DPF3: variants seen among roughly 807,000 people sequenced by gnomAD.
DPF3 encodes double PHD fingers 3.
A neutral mutation model predicts 56.8 loss-of-function variants in DPF3; 18 were observed. The ratio of observed to expected loss-of-function variants is 0.32; its 90% CI spans 0.22 to 0.47. The LOEUF (loss-of-function observed/expected upper bound fraction) is 0.47. DPF3 is among the 20% of genes least tolerant of loss of function. The pLI, the probability that DPF3 is intolerant of heterozygous loss-of-function variation, is 1.00. For synonymous variants in DPF3, 188 were observed against 180.2 expected, an observed-to-expected ratio of 1.04 and a Z score of -0.35; for missense variants, 403 against 488.8, an observed-to-expected ratio of 0.82 and a Z score of 1.65.
chr14:72,670,721 T>C lies in DPF3; in HGVS notation c.871+3519A>G, dbSNP rs968800876. ...ATAAATAATAATGTTTTAATGTTAT[T>C]GGTTCTTTGTTTCCAACCCAAAGTT... On this transcript the variant is annotated intron_variant, in intron 8 of 10. Coordinates refer to ENST00000556509, the MANE Select transcript of DPF3 (RefSeq NM_001280542.3). The C allele has an allele frequency of 1.2e-5, 12 of 1,016,786 alleles. No homozygotes were observed. In the East Asian group the frequency reaches 1.1e-3, roughly 96 times the overall value. 63.0% of individuals were successfully genotyped at this position (1,016,786 alleles called of 1,614,324 possible).
At chr14:72,826,215 TC>T (rs1194987477) in intron 1 of DPF3, among the ~76,000 whole-genome samples, 1 of 152,148 alleles carries the variant, frequency 6.6e-6, no homozygotes, top group Non-Finnish European at 1.5e-5. Flanking sequence ...GGATAAATTT[TC>T]CTTATCTCTC....
At chr14:72,704,050 C>T (rs1237493069) in intron 6 of DPF3, among the ~76,000 whole-genome samples, 1 of 152,194 alleles carries the variant, frequency 6.6e-6, no homozygotes, top group African/African-American at 2.4e-5. Flanking sequence ...ATTGTCCTCA[C>T]CTAACAGACC....
chr14:72,649,881 C>G (rs985631500), intron 8 of DPF3, among the ~76,000 whole-genome samples: 1 of 152,180 alleles, frequency 6.6e-6, no homozygotes, highest in African/African-American at 2.4e-5. Flanking sequence ...GATGAAAACA[C>G]GTATCTTATT....
chr14:72,816,365 C>G (rs1004154828), intron 1 of DPF3, among the ~76,000 whole-genome samples: 1 of 152,212 alleles, frequency 6.6e-6, no homozygotes, highest in Non-Finnish European at 1.5e-5. Flanking sequence ...GTTATGTTAT[C>G]TGGCCTTCTC....
intron 8 of DPF3, among the ~76,000 whole-genome samples, chr14:72,642,700 C>T (rs929591961): frequency 6.6e-6 from 1 of 152,106 alleles, no homozygotes; most frequent in Admixed American, 6.5e-5. Context: ...GCCCTCCATG[C>T]CCCTGTCTCA....
intron 8 of DPF3, among the ~76,000 whole-genome samples, chr14:72,663,620 T>C (rs778760670): frequency 6.6e-6 from 1 of 152,212 alleles, no homozygotes; most frequent in Non-Finnish European, 1.5e-5. Flanking sequence ...AACGGAGTAG[T>C]TGACACAAAG....
intron 4 of DPF3, among the ~76,000 whole-genome samples, chr14:72,724,707 G>GT (rs1327513019): frequency 3.4e-4 from 38 of 110,592 alleles, no homozygotes; most frequent in Non-Finnish European, 2.4e-4. Flanking sequence ...AGGGGTTTTT[G>GT]TTTGTTTTTT....
chr14:72,726,195 C>T (rs764306923), intron 4 of DPF3, among the ~76,000 whole-genome samples: 4 of 152,178 alleles, frequency 2.6e-5, no homozygotes, highest in Admixed American at 6.5e-5. Flanking sequence ...TGTTGCTGTT[C>T]GTAGAACCAT....
chr14:72,875,685 A>AAGTGTGCAAG (rs1886085209), intron 1 of DPF3, among the ~76,000 whole-genome samples: 1 of 152,180 alleles, frequency 6.6e-6, no homozygotes, highest in Non-Finnish European at 1.5e-5. Flanking sequence ...AAGTGTGCAA[A>AAGTGTGCAAG]GCTTACAAAG....
At chr14:72,624,375 G>C (rs1159590247) in intron 9 of DPF3, among the ~76,000 whole-genome samples, 2 of 107,574 alleles carry the variant, frequency 1.9e-5, no homozygotes, top group African/African-American at 7.2e-5. Context: ...GTCTCACTCT[G>C]TTGCCCAAAC....
At chr14:72,793,603 C>A (rs920432330) in intron 1 of DPF3, among the ~76,000 whole-genome samples, 40 of 152,284 alleles carry the variant, frequency 2.6e-4, no homozygotes, top group African/African-American at 9.4e-4. Context: ...AGGAAATTAA[C>A]AAGCCGGCAT....
chr14:72,874,485 A>T (rs1460644637), intron 1 of DPF3, among the ~76,000 whole-genome samples: 1 of 152,126 alleles, frequency 6.6e-6, no homozygotes, highest in Non-Finnish European at 1.5e-5. Context: ...TCTCCAAAAA[A>T]AAAAAAGAAA....
intron 3 of DPF3, among the ~76,000 whole-genome samples, chr14:72,747,398 G>A (rs1890368814): frequency 6.6e-6 from 1 of 152,132 alleles, no homozygotes; most frequent in African/African-American, 2.4e-5. Context: ...CAGCTGTTGA[G>A]GGTGACTGCC....
At chr14:72,865,665 G>T (rs185868473) in intron 1 of DPF3, among the ~76,000 whole-genome samples, 7 of 152,326 alleles carry the variant, frequency 4.6e-5, no homozygotes, top group Admixed American at 2.6e-4. Flanking sequence ...GAAACCACAG[G>T]GGGGTAAGGA....
chr14:72,871,441 G>C (rs887956154), intron 1 of DPF3, among the ~76,000 whole-genome samples: 4 of 152,142 alleles, frequency 2.6e-5, no homozygotes, highest in Admixed American at 2.6e-4. Flanking sequence ...TACTTCCTAG[G>C]TATGCAATTC....
chr14:72,771,626 C>A, intron 2 of DPF3, 107 bp downstream of exon 2: 1 of 1,411,022 alleles, frequency 7.1e-7, no homozygotes, highest in Non-Finnish European at 9.4e-7. Flanking sequence ...CAGCTTGCCC[C>A]ACCCCGATCC....
In DPF3 at chr14:72,650,492, G is replaced by A. The variant is rs11158964; in HGVS notation, c.872-20756C>T. Among the ~76,000 whole-genome samples, 1,408 of 152,310 alleles carry A rather than the reference G, an allele frequency of 9.2e-3. 64 individuals are homozygous for A. In the East Asian group the frequency reaches 0.12, roughly 13 times the overall value. The stretch of plus-strand genomic sequence containing the variant: ...GCCCCGGGGGCCAGGAGATCTTGGC[G>A]ATGGCTCTCTGCTGTCTGTTTCCTT... On this transcript the variant is annotated intron_variant, in intron 8 of 10. Transcript: ENST00000556509.
intron 1 of DPF3, among the ~76,000 whole-genome samples, chr14:72,868,359 T>C (rs1264530731): frequency 6.6e-6 from 1 of 152,188 alleles, no homozygotes; most frequent in African/African-American, 2.4e-5. Context: ...GAGACCACCT[T>C]GCCTCAAAAG....
intron 8 of DPF3, among the ~76,000 whole-genome samples, chr14:72,643,053 C>G (rs115065288): frequency 0.013 from 1,961 of 152,338 alleles, 37 homozygotes; most frequent in African/African-American, 0.045. Flanking sequence ...ATGGCTCAGG[C>G]AGCCCGCAAG....
Sources: gnomAD v4.1 joint callset for allele counts (sites outside exome capture counted in the v4.1 genomes callset) on GRCh38, gnomAD v4.1.1 for gene constraint, MANE v1.5 for transcripts, NCBI Gene and HGNC (gene_info 2026-07-23, HGNC 2026-07-21) for gene names.